Variants in PRKAR2A observed in about 807,000 individuals in gnomAD.
The protein encoded by PRKAR2A is cAMP-dependent protein kinase type II-alpha regulatory subunit.
Under a neutral mutation model 51.9 loss-of-function variants are expected in PRKAR2A, and 29 were observed. The observed-to-expected ratio is 0.56, with a 90% confidence interval of 0.42 to 0.76. The LOEUF is 0.76. Among genes scored for constraint, PRKAR2A ranks in the 30% least tolerant of loss-of-function variants. PRKAR2A has a pLI of 0.00. For synonymous variants in PRKAR2A, 178 were observed against 186.2 expected, an observed-to-expected ratio of 0.96 and a Z score of 0.36; for missense variants, 445 against 512.1, an observed-to-expected ratio of 0.87 and a Z score of 1.26.
intron 2 of PRKAR2A, among the ~76,000 whole-genome samples, chr3:48,801,273 CTCCCAGGTAGCTGGGATT>C (rs2082585917): frequency 6.6e-6 from 1 of 152,220 alleles, no homozygotes; most frequent in African/African-American, 2.4e-5. Context: ...CTGCCTCAGC[CTCCCAGGTAGCTGGGATT>C]ACAGGCACCT....
intron 1 of PRKAR2A, among the ~76,000 whole-genome samples, chr3:48,814,246 C>CA (rs2082834627): frequency 6.6e-6 from 1 of 151,050 alleles, no homozygotes; most frequent in Non-Finnish European, 1.5e-5. Context: ...GAATCCGTCT[C>CA]AAAAAGATTA....
chr3:48,754,340 C>T (rs541139156), intron 9 of PRKAR2A, among the ~76,000 whole-genome samples: 17 of 151,556 alleles, frequency 1.1e-4, no homozygotes, highest in African/African-American at 3.4e-4. Context: ...CGGGTTCAAG[C>T]GATTCTCCTG....
intron 1 of PRKAR2A, among the ~76,000 whole-genome samples, chr3:48,829,834 T>C (rs2083151748): frequency 9.3e-6 from 1 of 107,830 alleles, no homozygotes; most frequent in South Asian, 3.6e-4. Flanking sequence ...TACATACATA[T>C]ATATGCGTGT....
At chr3:48,787,851 T>C (rs1194294930) in intron 4 of PRKAR2A, among the ~76,000 whole-genome samples, 1 of 152,178 alleles carries the variant, frequency 6.6e-6, no homozygotes, top group Admixed American at 6.6e-5. Flanking sequence ...AGCTCATATC[T>C]GACCAGCCCA....
chr3:48,794,059 G>A lies in PRKAR2A; in HGVS notation c.299-10C>T. 6.3e-7 allele frequency: 1 copy of A among 1,588,468 alleles called. No individual in the cohort carries two copies. The highest frequency in any genetic ancestry group is 8.6e-7 in the Non-Finnish European group (1 of 1,161,976). ...TAGGTCTCAGCACAGACTAAAATTG[G>A]AGAGAAAAAAACAAAAAGAATGAAT... On this transcript the variant is annotated splice_polypyrimidine_tract_variant and intron_variant, in intron 2 of 10. Coordinates refer to ENST00000265563, the MANE Select transcript of PRKAR2A (RefSeq NM_004157.4).
intron 1 of PRKAR2A, among the ~76,000 whole-genome samples, chr3:48,840,549 T>A: frequency 6.8e-6 from 1 of 147,170 alleles, no homozygotes; most frequent in Non-Finnish European, 1.5e-5. Flanking sequence ...TATACCTGGA[T>A]ACCTGGTTTG....
intron 9 of PRKAR2A, among the ~76,000 whole-genome samples, chr3:48,752,916 C>CTTTTTTTTTTTTTTTTTTTTTTTTTT (rs59163654): frequency 2.1e-5 from 1 of 47,496 alleles, no homozygotes; most frequent in African/African-American, 9.8e-5. Context: ...TTCCCTCCTC[C>CTTTTTTTTTTTTTTTTTTTTTTTTTT]TTTTTTTTTT....
rs183348032 is a variant in PRKAR2A at position 48,767,503 on chromosome 3, T to C, written c.697-2154A>G. Among the ~76,000 whole-genome samples, 6 of 150,826 alleles carry C rather than the reference T, an allele frequency of 4.0e-5. 1 individual carries two copies. In the South Asian group the frequency reaches 6.3e-4, roughly 16 times the overall value. On this transcript the variant is annotated intron_variant, in intron 6 of 10. Transcript: ENST00000265563. ...CGAAAAAAACAAAAACAAAACAATA[T>C]TTTAGGCTGTGTGTGGTGGTTCATG...
intron 8 of PRKAR2A, among the ~76,000 whole-genome samples, chr3:48,764,017 G>A (rs1402169647): frequency 2.6e-5 from 4 of 151,892 alleles, no homozygotes; most frequent in Non-Finnish European, 5.9e-5. Context: ...TGTTCTAGTG[G>A]GGCCAACTCC....
chr3:48,754,246 T>C (rs2081717636), intron 9 of PRKAR2A, among the ~76,000 whole-genome samples: 1 of 150,020 alleles, frequency 6.7e-6, no homozygotes, highest in Non-Finnish European at 1.5e-5. Context: ...TTTTTCTTTT[T>C]TTTTTTTTGA....
At chr3:48,766,567 C>CA (rs547933429) in intron 6 of PRKAR2A, among the ~76,000 whole-genome samples, 25 of 147,180 alleles carry the variant, frequency 1.7e-4, no homozygotes, top group South Asian at 2.1e-4. Context: ...AACTGTGTCT[C>CA]AAAAAAAAAT....
At chr3:48,834,036 AAAAAAAAAAAAAAAG>A (rs1473477959) in intron 1 of PRKAR2A, among the ~76,000 whole-genome samples, 3 of 146,508 alleles carry the variant, frequency 2.0e-5, no homozygotes, top group African/African-American at 7.4e-5. Flanking sequence ...CTCCGTCTTA[AAAAAAAAAAAAAAAG>A]AAAAAAAAGA....
chr3:48,752,185 T>G lies in PRKAR2A; in HGVS notation c.1072A>C (p.Lys358Gln), dbSNP rs1015500058. The G allele has an allele frequency of 2.5e-6, 4 of 1,612,110 alleles. No individual in the cohort carries two copies. The highest frequency in any genetic ancestry group is 3.4e-6 in the Non-Finnish European group (4 of 1,179,570). Residue 358 changes from lysine to glutamine, a missense_variant, in exon 10 of 11, where the codon AAA becomes CAA. Coordinates refer to ENST00000265563, the MANE Select transcript of PRKAR2A (RefSeq NM_004157.4). ...AASAYAVGDV[K>Q]CLVMDVQAFE... ...AAAGAACTTTTCTTACCTAAGCATT[T>G]GACATCTCCAACTGCATAAGCTGAG...
At chr3:48,753,051 A>G (rs1289583519) in intron 9 of PRKAR2A, among the ~76,000 whole-genome samples, 2 of 143,200 alleles carry the variant, frequency 1.4e-5, no homozygotes, top group African/African-American at 5.2e-5. Context: ...TCCTGCCTCA[A>G]CCTCCCAAGT....
chr3:48,757,083 A>G (rs2081782954), intron 8 of PRKAR2A, among the ~76,000 whole-genome samples: 2 of 152,208 alleles, frequency 1.3e-5, no homozygotes, highest in South Asian at 4.1e-4. Flanking sequence ...CAGCTTCATG[A>G]TAGGAGCTGA....
chr3:48,778,937 T>C (rs2107275711), intron 5 of PRKAR2A, among the ~76,000 whole-genome samples: 1 of 151,352 alleles, frequency 6.6e-6, no homozygotes, highest in African/African-American at 2.4e-5. Flanking sequence ...GCAATTCTCC[T>C]GCCTCAACCT....
chr3:48,780,495 C>T (rs904989841), intron 5 of PRKAR2A, among the ~76,000 whole-genome samples: 1 of 149,652 alleles, frequency 6.7e-6, no homozygotes, highest in Non-Finnish European at 1.5e-5. Flanking sequence ...CCCAGCTACT[C>T]GGGAGGCTGA....
Position 48,847,675 on chromosome 3 carries a change from C to T in PRKAR2A, c.-79G>A, listed in dbSNP as rs1339611943. On this transcript the variant is annotated 5_prime_UTR_variant, in exon 1 of 11. Transcript: ENST00000265563. This position sits in a 1 kb window ranked among gnomAD's most constrained non-coding sequence, Gnocchi z 4.4. The stretch of plus-strand genomic sequence containing the variant: ...CGCGCTCACTCACGCCGGCCTTTCG[C>T]TCCGCGCCCGCGAGGTCTCTTCGCG... The T allele has an allele frequency of 2.9e-5, 39 of 1,345,974 alleles. No homozygotes were observed. Among genetic ancestry groups the T allele is most frequent in the Admixed American group, 7.2e-5 (2 of 27,764 alleles). 83.4% of individuals were successfully genotyped at this position (1,345,974 alleles called of 1,614,324 possible).
At chr3:48,755,247 C>T (rs1488223669) in intron 9 of PRKAR2A, among the ~76,000 whole-genome samples, 3 of 152,002 alleles carry the variant, frequency 2.0e-5, no homozygotes, top group African/African-American at 7.3e-5. Flanking sequence ...CTGCCCGCCT[C>T]AGCCTCCTAA....
Sources: allele counts gnomAD v4.1 joint callset (sites outside exome capture counted in the v4.1 genomes callset), GRCh38; gene constraint gnomAD v4.1.1; non-coding constraint Gnocchi (gnomAD v3.1); transcripts MANE v1.5; gene names NCBI Gene and HGNC (gene_info 2026-07-23, HGNC 2026-07-21).